Variants in CNOT6L observed in about 807,000 individuals in gnomAD.
CNOT6L encodes CCR4-NOT transcription complex subunit 6 like, also known as CCR4-NOT transcription complex subunit 6-like.
Under a neutral mutation model 64.0 loss-of-function variants are expected in CNOT6L, and 7 were observed. The ratio of observed to expected loss-of-function variants is 0.11; its 90% CI spans 0.06 to 0.21. The LOEUF is 0.21. Ranked by LOEUF, CNOT6L falls within the 10% of genes least tolerant of loss-of-function variation. The probability of loss-of-function intolerance (pLI) is 1.00; values close to 1 mark genes in which losing one functional copy is unlikely to be tolerated. For missense variants in CNOT6L, 245 were observed against 669.0 expected (o/e 0.37, Z 6.99); for synonymous variants, 193 against 243.4 (o/e 0.79, Z 1.93).
At chr4:77,734,254 T>G (rs1033315368) in intron 8 of CNOT6L, among the ~76,000 whole-genome samples, 4 of 152,142 alleles carry the variant, frequency 2.6e-5, no homozygotes, top group Middle Eastern at 3.2e-3. Flanking sequence ...ATTAAATATG[T>G]TTATTGTAGA....
intron 1 of CNOT6L, among the ~76,000 whole-genome samples, chr4:77,789,854 G>A (rs1363193060): frequency 6.6e-6 from 1 of 150,726 alleles, no homozygotes; most frequent in East Asian, 2.0e-4. Flanking sequence ...GGGAAGCTGA[G>A]GTGAGGGGAT....
chr4:77,819,138 C>T, intron 1 of CNOT6L, 166 bp downstream of exon 1: 1 of 1,385,978 alleles, frequency 7.2e-7, no homozygotes, highest in South Asian at 1.2e-5. Context: ...TCCAGTCACC[C>T]GACACACACC....
chr4:77,776,907 A>G (rs1728211063), intron 1 of CNOT6L, among the ~76,000 whole-genome samples: 1 of 152,216 alleles, frequency 6.6e-6, no homozygotes, highest in Non-Finnish European at 1.5e-5. Flanking sequence ...CCTGCTGGTC[A>G]TAAACAAAGA....
At chr4:77,788,741 T>C (rs975183362) in intron 1 of CNOT6L, among the ~76,000 whole-genome samples, 2 of 150,582 alleles carry the variant, frequency 1.3e-5, no homozygotes, top group Non-Finnish European at 3.0e-5. Flanking sequence ...AAAGTAATAA[T>C]AAATAATAAT....
intron 1 of CNOT6L, among the ~76,000 whole-genome samples, chr4:77,803,946 C>A (rs541061634): frequency 2.0e-5 from 3 of 151,882 alleles, no homozygotes; most frequent in African/African-American, 4.8e-5. Context: ...TGTAAAACAG[C>A]GCTGCTACTG....
rs148119461 is a variant in CNOT6L at position 77,744,353 on chromosome 4, TA to T, written c.717+364del. On this transcript the variant is annotated intron_variant, in intron 7 of 11. Coordinates refer to ENST00000504123, the MANE Select transcript of CNOT6L (RefSeq NM_144571.3). ...ATAACTGTGGGCAAGCTTTTTTTTT[TA>T]AAAAAAAACAGACTCCAATACAAGG... 1.8e-3 allele frequency among the ~76,000 whole-genome samples: 266 copies of T among 150,012 alleles called. 2 individuals carry two copies. The highest frequency in any genetic ancestry group is 5.5e-3 in the African/African-American group (223 of 40,858).
intron 1 of CNOT6L, among the ~76,000 whole-genome samples, chr4:77,811,713 AAC>A (rs1221217178): frequency 6.6e-6 from 1 of 152,026 alleles, no homozygotes; most frequent in African/African-American, 2.4e-5. Flanking sequence ...ACTCAATCCT[AAC>A]ACTCTCTCAC....
intron 1 of CNOT6L, among the ~76,000 whole-genome samples, chr4:77,786,412 C>T (rs894718726): frequency 6.6e-6 from 1 of 151,988 alleles, no homozygotes; most frequent in African/African-American, 2.4e-5. Context: ...TCCAAGAGTT[C>T]AAGACCAGCC....
chr4:77,720,228 A>C lies in CNOT6L; in HGVS notation c.*203T>G. 1 of 491,630 alleles carries C rather than the reference A, an allele frequency of 2.0e-6. No individual in the cohort carries two copies. The highest frequency in any genetic ancestry group is 3.6e-6 in the Non-Finnish European group (1 of 277,842). 30.5% of individuals were successfully genotyped at this position (491,630 alleles called of 1,614,324 possible). A position where few individuals can be genotyped will look rare whatever the true frequency, so the allele number is the denominator to read the frequency against. ...AAAACATGTTAAATTAAAATTTTGT[A>C]AAGAGAGTAATACTTTGGTTCCAGC... is the stretch of plus-strand genomic sequence containing the variant. On this transcript the variant is annotated 3_prime_UTR_variant, in exon 12 of 12. Coordinates refer to ENST00000504123, the MANE Select transcript of CNOT6L (RefSeq NM_144571.3).
chr4:77,819,509 A>C, upstream of CNOT6L: 23 of 1,040,486 alleles, frequency 2.2e-5, no homozygotes, highest in East Asian at 1.7e-4. Flanking sequence ...GGCGGCACAC[A>C]GGGCCCGTAA....
chr4:77,746,471 CT>C lies in CNOT6L; in HGVS notation c.560-1597del, dbSNP rs1172008680. Among the ~76,000 whole-genome samples the C allele has an allele frequency of 2.0e-5, 3 of 152,044 alleles. No individual in the cohort carries two copies. The East Asian group carries it at 5.8e-4, about 29-fold the overall frequency. On this transcript the variant is annotated intron_variant, in intron 6 of 11. Coordinates refer to ENST00000504123, the MANE Select transcript of CNOT6L (RefSeq NM_144571.3). The stretch of plus-strand genomic sequence containing the variant: ...AAGTAAAATGCATTTTTAACAGTAA[CT>C]TTTTTTCAGCACTCAGATCCTACTC...
intron 1 of CNOT6L, among the ~76,000 whole-genome samples, chr4:77,799,967 T>C (rs890730328): frequency 1.3e-5 from 2 of 152,120 alleles, no homozygotes; most frequent in Admixed American, 6.6e-5. Context: ...TCTCTGGTAG[T>C]ACATGGCAAA....
At chr4:77,753,187 A>G (rs1358639431) in intron 5 of CNOT6L, among the ~76,000 whole-genome samples, 1 of 132,952 alleles carries the variant, frequency 7.5e-6, no homozygotes, top group African/African-American at 2.6e-5. Flanking sequence ...AAAACTTCCT[A>G]CCAGAAAAAA....
At chr4:77,774,750 C>A (rs753320589) in intron 2 of CNOT6L, 34 bp from the exon 3 acceptor site, 12 of 1,387,084 alleles carry the variant, frequency 8.7e-6, no homozygotes, top group African/African-American at 4.5e-5. Flanking sequence ...TAAAAAAAAA[C>A]CCCAGGCCCA....
At chr4:77,793,820 C>T (rs1376107725) in intron 1 of CNOT6L, among the ~76,000 whole-genome samples, 1 of 151,972 alleles carries the variant, frequency 6.6e-6, no homozygotes, top group Non-Finnish European at 1.5e-5. Flanking sequence ...AAAATGTCTC[C>T]CATGAAACTT....
Position 77,770,623 on chromosome 4 carries a change from T to C in CNOT6L, c.400+2458A>G, listed in dbSNP as rs571195755. On this transcript the variant is annotated intron_variant, in intron 4 of 11. Transcript: ENST00000504123. The stretch of plus-strand genomic sequence containing the variant: ...GCTACATATAGGTACTTACAACAAA[T>C]TGAAATTTAATAAAAAAGAATTTAA... 5.5e-4 allele frequency among the ~76,000 whole-genome samples: 72 copies of C among 131,312 alleles called. 1 individual carries two copies. The East Asian group carries it at 0.014, about 26-fold the overall frequency. The allele number at this position is 131,312 out of a possible 152,430, so 86.1% of individuals were successfully genotyped here.
At chr4:77,780,346 T>C (rs919301076) in intron 1 of CNOT6L, among the ~76,000 whole-genome samples, 2 of 152,244 alleles carry the variant, frequency 1.3e-5, no homozygotes, top group Non-Finnish European at 2.9e-5. Flanking sequence ...CAAGAGTTTC[T>C]AATTTCTACA....
At chr4:77,760,204 T>A (rs891116762) in intron 4 of CNOT6L, among the ~76,000 whole-genome samples, 20 of 152,004 alleles carry the variant, frequency 1.3e-4, no homozygotes, top group Admixed American at 5.9e-4. Context: ...GAGACCCCCA[T>A]CTCTACAAAC....
At chr4:77,734,338 C>G (rs1390827058) in intron 8 of CNOT6L, among the ~76,000 whole-genome samples, 1 of 152,138 alleles carries the variant, frequency 6.6e-6, no homozygotes, top group Non-Finnish European at 1.5e-5. Context: ...TTTCCCCAGA[C>G]TTTTCTCTAC....
Sources: gnomAD v4.1 joint callset for allele counts (sites outside exome capture counted in the v4.1 genomes callset) on GRCh38, gnomAD v4.1.1 for gene constraint, MANE v1.5 for transcripts, NCBI Gene and HGNC (gene_info 2026-07-23, HGNC 2026-07-21) for gene names.